The following SYT6 variants were observed in gnomAD, a reference collection of about 807,000 sequenced individuals.
The protein encoded by SYT6 is synaptotagmin 6, also known as synaptotagmin-6.
In SYT6, 24 loss-of-function variants were observed where a neutral mutation model predicts 38.4. The ratio of observed to expected loss-of-function variants is 0.62; its 90% CI spans 0.45 to 0.88. The LOEUF is 0.88. SYT6 is among the 40% of genes least tolerant of loss of function. The pLI is 0.00. For synonymous variants in SYT6, 265 were observed against 241.9 expected, an observed-to-expected ratio of 1.10 and a Z score of -0.89; for missense variants, 611 against 621.0, an observed-to-expected ratio of 0.98 and a Z score of 0.17.
intron 5 of SYT6, 106 bp downstream of exon 5, chr1:114,098,988 C>T: frequency 8.2e-7 from 1 of 1,212,452 alleles, no homozygotes; most frequent in Non-Finnish European, 1.1e-6. Context: ...AGGCCTGAAC[C>T]CTAAAGCTGA....
At chr1:114,107,701 G>C (rs1367335681) in intron 3 of SYT6, among the ~76,000 whole-genome samples, 1 of 152,158 alleles carries the variant, frequency 6.6e-6, no homozygotes, top group Non-Finnish European at 1.5e-5. Flanking sequence ...GCATCTCCTG[G>C]TAGTCACTCT....
At chr1:114,133,354 C>T (rs1039268461) in intron 3 of SYT6, among the ~76,000 whole-genome samples, 8 of 152,164 alleles carry the variant, frequency 5.3e-5, no homozygotes, top group Admixed American at 1.3e-4. Flanking sequence ...TAGTTGTGTG[C>T]GGTGGGGTCT....
chr1:114,137,483 G>A lies in SYT6; in HGVS notation c.1071+12C>T. 1 of 1,609,364 alleles carries A rather than the reference G, an allele frequency of 6.2e-7. No homozygotes were observed. Among genetic ancestry groups the A allele is most frequent in the Non-Finnish European group, 8.5e-7 (1 of 1,176,570 alleles). On this transcript the variant is annotated intron_variant, in intron 3 of 7. Coordinates refer to ENST00000610222, the MANE Select transcript of SYT6 (RefSeq NM_001253772.2). ...AAATCCTCAAGAAGCCAAGGAACAG[G>A]GCTGTACTTACACTTGTGGCATATT...
At chr1:114,119,090 C>A (rs1305845464) in intron 3 of SYT6, among the ~76,000 whole-genome samples, 1 of 152,176 alleles carries the variant, frequency 6.6e-6, no homozygotes, top group African/African-American at 2.4e-5. Context: ...CCCAGCCAAG[C>A]CCCTTCTGCA....
intron 6 of SYT6, among the ~76,000 whole-genome samples, chr1:114,094,707 G>A (rs1002682930): frequency 1.3e-5 from 2 of 152,158 alleles, no homozygotes; most frequent in East Asian, 3.8e-4. Flanking sequence ...CTTAAGAAAG[G>A]TTCAAGATAA....
rs1368388286 is a variant in SYT6, at chr1:114,093,736, C to CT, written c.*49_*50insA. On this transcript the variant is annotated splice_region_variant and 3_prime_UTR_variant, in exon 7 of 8. Coordinates refer to ENST00000610222, the MANE Select transcript of SYT6 (RefSeq NM_001253772.2). ...TTTGGGTCCACACCAGGTACTTACT[C>CT]CTAACTCCAGGTGGCAGTCTCTCTG... is the stretch of plus-strand genomic sequence containing the variant. 2 of 1,613,646 alleles carry CT rather than the reference C, an allele frequency of 1.2e-6. No individual in the cohort carries two copies. The highest frequency in any genetic ancestry group is 1.7e-6 in the Non-Finnish European group (2 of 1,179,872).
intron 1 of SYT6, among the ~76,000 whole-genome samples, chr1:114,144,649 T>A (rs1014709090): frequency 7.9e-5 from 12 of 151,866 alleles, no homozygotes; most frequent in Non-Finnish European, 2.9e-5. Flanking sequence ...TCAATTAAGG[T>A]CAAGCAACAT....
At chr1:114,126,248 C>A (rs2101053437) in intron 3 of SYT6, among the ~76,000 whole-genome samples, 1 of 152,274 alleles carries the variant, frequency 6.6e-6, no homozygotes, top group South Asian at 2.1e-4. Context: ...ATCTCCGAGG[C>A]TCTTTCTAGC....
chr1:114,109,642 A>G (rs1676552111), intron 3 of SYT6, among the ~76,000 whole-genome samples: 1 of 152,234 alleles, frequency 6.6e-6, no homozygotes, highest in African/African-American at 2.4e-5. Flanking sequence ...AAGTATTGGC[A>G]ACTATTATAA....
chr1:114,126,861 C>G (rs933764079), intron 3 of SYT6, among the ~76,000 whole-genome samples: 6 of 152,168 alleles, frequency 3.9e-5, no homozygotes, highest in African/African-American at 1.4e-4. Flanking sequence ...CCAGTGAGAG[C>G]CGTACCCTAC....
rs149899868 is a variant in SYT6 at position 114,099,095 on chromosome 1, G to T, written c.1363C>A (p.Arg455=). 6.2e-7 allele frequency: 1 copy of T among 1,611,694 alleles called. No individual in the cohort carries two copies. The highest frequency in any genetic ancestry group is 1.3e-5 in the African/African-American group (1 of 75,012). Residue 455 remains arginine, a splice_region_variant and synonymous_variant, in exon 5 of 8, where the codon CGA becomes AGA. Coordinates refer to ENST00000610222, the MANE Select transcript of SYT6 (RefSeq NM_001253772.2). ...SLLISVMDYD[R]VGHNEIIGVC... is the part of the protein sequence containing the mutation. ...CGTCCCTCTAGGACGCCTACCTACC[G>T]ATCATAGTCCATGACTGAGATGAGC... is the stretch of plus-strand genomic sequence containing the variant.
intron 3 of SYT6, among the ~76,000 whole-genome samples, chr1:114,121,446 T>A (rs572980486): frequency 1.1e-3 from 165 of 152,298 alleles, no homozygotes; most frequent in African/African-American, 3.8e-3. Flanking sequence ...GCCTCCATGG[T>A]AGTCCTCTCC....
intron 1 of SYT6, among the ~76,000 whole-genome samples, chr1:114,143,009 C>A (rs908719819): frequency 5.3e-5 from 8 of 151,692 alleles, no homozygotes; most frequent in African/African-American, 1.9e-4. Context: ...GATAGTGATT[C>A]CTCTGATGGA....
chr1:114,153,753 G>GC lies in SYT6; in HGVS notation c.19dup (p.Ala7GlyfsTer94), dbSNP rs1249114906. The GC allele has an allele frequency of 4.4e-6, 3 of 678,436 alleles. No homozygotes were observed. Among genetic ancestry groups the GC allele is most frequent in the East Asian group, 5.9e-5 (2 of 33,786 alleles). 42.0% of individuals were successfully genotyped at this position (678,436 alleles called of 1,614,324 possible). A position where few individuals can be genotyped will look rare whatever the true frequency, so the allele number is the denominator to read the frequency against. Reference sequence around the variant, plus strand: ...CGCCTCCTGGCACCGAGGCCCGCCGGCCCCCCACACTCCGCTCATGCCCTA... The same window carrying GC: ...CGCCTCCTGGCACCGAGGCCCGCCGGCCCCCCCACACTCCGCTCATGCCCTA... On this transcript the variant is annotated frameshift_variant, in exon 1 of 8. Coordinates refer to ENST00000610222, the MANE Select transcript of SYT6 (RefSeq NM_001253772.2). LOFTEE classifies it high-confidence loss of function.
At position 114,139,610 on chromosome 1, in the gene SYT6, C is replaced by T; in HGVS notation, c.512+5G>A. The T allele has an allele frequency of 6.2e-7, 1 of 1,613,996 alleles. No individual in the cohort carries two copies. Among genetic ancestry groups the T allele is most frequent in the Non-Finnish European group, 8.5e-7 (1 of 1,179,986 alleles). Reference sequence around the variant, plus strand: ...GGTCAGGGAAGGGAGTGGTCCACTCCTCACCTGGTGGATGACGCTGGCTCT... The same window carrying T: ...GGTCAGGGAAGGGAGTGGTCCACTCTTCACCTGGTGGATGACGCTGGCTCT... On this transcript the variant is annotated splice_donor_5th_base_variant and intron_variant, in intron 2 of 7. Transcript: ENST00000610222.
intron 1 of SYT6, among the ~76,000 whole-genome samples, chr1:114,141,385 C>T (rs1168112139): frequency 1.3e-5 from 2 of 152,236 alleles, no homozygotes; most frequent in African/African-American, 4.8e-5. Flanking sequence ...CCCCAACATT[C>T]TCTTAAGCCA....
At chr1:114,105,269 C>T (rs887892932) in intron 3 of SYT6, among the ~76,000 whole-genome samples, 1 of 151,998 alleles carries the variant, frequency 6.6e-6, no homozygotes, top group African/African-American at 2.4e-5. Context: ...ATTCTCCTTG[C>T]AAAGAGCCAC....
Position 114,090,616 on chromosome 1 carries a change from TAAAAG to T in SYT6, c.*1513_*1517del, listed in dbSNP as rs1015741163. The T allele has an allele frequency of 6.6e-6, 1 of 152,368 alleles. No individual in the cohort carries two copies. The allele number at this position is 152,368 out of a possible 1,614,324, so 9.4% of individuals were successfully genotyped here. A position where few individuals can be genotyped will look rare whatever the true frequency, so the allele number is the denominator to read the frequency against. ...TTTTCTGTTCTTGATTTTCCACTGT[TAAAAG>T]AAGGGGTTCTTCAGCAGACTTGCCT... is the stretch of plus-strand genomic sequence containing the variant. On this transcript the variant is annotated 3_prime_UTR_variant, in exon 8 of 8. Transcript: ENST00000610222.
At chr1:114,121,457 C>T (rs1010530757) in intron 3 of SYT6, among the ~76,000 whole-genome samples, 4 of 152,216 alleles carry the variant, frequency 2.6e-5, no homozygotes, top group Non-Finnish European at 4.4e-5. Flanking sequence ...AGTCCTCTCC[C>T]TTCACTGCAT....
Sources: allele counts gnomAD v4.1 joint callset (sites outside exome capture counted in the v4.1 genomes callset), GRCh38; gene constraint gnomAD v4.1.1; transcripts MANE v1.5; gene names NCBI Gene and HGNC (gene_info 2026-07-23, HGNC 2026-07-21).